SEMA5A: variants seen among roughly 807,000 people sequenced by gnomAD.
The protein encoded by SEMA5A is semaphorin-5A.
A neutral mutation model predicts 135.5 loss-of-function variants in SEMA5A; 55 were observed. The observed-to-expected ratio is 0.41, with a 90% confidence interval of 0.33 to 0.51. The LOEUF (loss-of-function observed/expected upper bound fraction) is 0.51, where lower values mean the gene tolerates loss of function less well. Among genes scored for constraint, SEMA5A ranks in the 20% least tolerant of loss-of-function variants. The probability of loss-of-function intolerance (pLI) is 0.37; values close to 1 mark genes in which losing one functional copy is unlikely to be tolerated. For synonymous variants in SEMA5A, 580 were observed against 546.5 expected (o/e 1.06, Z -0.85); for missense variants, 1,290 against 1,419.9 (o/e 0.91, Z 1.47).
At chr5:9,272,010 A>G (rs1295981746) in intron 5 of SEMA5A, among the ~76,000 whole-genome samples, 1 of 152,074 alleles carries the variant, frequency 6.6e-6, no homozygotes, top group African/African-American at 2.4e-5. Flanking sequence ...CACCAGCGAG[A>G]CAGAATCATT....
intron 1 of SEMA5A, among the ~76,000 whole-genome samples, chr5:9,452,600 G>A (rs1306970579): frequency 1.3e-5 from 2 of 152,110 alleles, no homozygotes; most frequent in Admixed American, 6.5e-5. Flanking sequence ...GTGAGCCCCC[G>A]CAAATACAGC....
At chr5:9,384,661 TATAGATAGATAG>T (rs1256520054) in intron 2 of SEMA5A, among the ~76,000 whole-genome samples, 33 of 66,486 alleles carry the variant, frequency 5.0e-4, no homozygotes, top group South Asian at 1.7e-3. Flanking sequence ...GATAGATAGA[TATAGATAGATAG>T]ATATAGATAG....
At chr5:9,442,980 T>C (rs1372937298) in intron 1 of SEMA5A, among the ~76,000 whole-genome samples, 1 of 152,100 alleles carries the variant, frequency 6.6e-6, no homozygotes, top group African/African-American at 2.4e-5. Flanking sequence ...TGCCAACTGG[T>C]TTGATTGACA....
At chr5:9,205,437 C>A (rs1806069) in intron 8 of SEMA5A, among the ~76,000 whole-genome samples, 10,408 of 152,090 alleles carry the variant, frequency 0.068, 438 homozygotes, top group Middle Eastern at 0.14. Flanking sequence ...CCAACCATAG[C>A]CTCAGAGAGC....
At chr5:9,491,369 T>C (rs992220541) in intron 1 of SEMA5A, among the ~76,000 whole-genome samples, 1 of 152,010 alleles carries the variant, frequency 6.6e-6, no homozygotes, top group African/African-American at 2.4e-5. Context: ...ATACCAAGAG[T>C]GAACCCTAAT....
At chr5:9,356,032 G>A (rs1754428078) in intron 3 of SEMA5A, among the ~76,000 whole-genome samples, 1 of 152,098 alleles carries the variant, frequency 6.6e-6, no homozygotes, top group African/African-American at 2.4e-5. Flanking sequence ...AGGCTTTTAA[G>A]GACTTCCCAA....
chr5:9,265,038 A>G (rs907467348), intron 5 of SEMA5A, among the ~76,000 whole-genome samples: 3 of 152,138 alleles, frequency 2.0e-5, no homozygotes, highest in Admixed American at 6.5e-5. Context: ...ATTATAATGC[A>G]CATGCATTTA....
chr5:9,243,612 A>G (rs1479031828), intron 5 of SEMA5A, among the ~76,000 whole-genome samples: 1 of 152,152 alleles, frequency 6.6e-6, no homozygotes, highest in Admixed American at 6.5e-5. Context: ...CAAGCAAAAT[A>G]ATGGTAACAA....
In SEMA5A at chr5:9,425,174, C is replaced by G. The variant is rs202027683; in HGVS notation, c.-78+12582G>C. Among the ~76,000 whole-genome samples, 3 of 151,908 alleles carry G rather than the reference C, an allele frequency of 2.0e-5. No individual in the cohort carries two copies. The East Asian group carries it at 5.8e-4, about 30-fold the overall frequency. On this transcript the variant is annotated intron_variant, in intron 2 of 22. Transcript: ENST00000382496. ...AATCCAAAGTTGTCCCCTGTTCACT[C>G]TCTGTCACATGAACCCATCTGAATT...
At chr5:9,073,021 A>G (rs1048718569) in intron 16 of SEMA5A, among the ~76,000 whole-genome samples, 2 of 152,220 alleles carry the variant, frequency 1.3e-5, no homozygotes, top group African/African-American at 4.8e-5. Flanking sequence ...AACAACTTGC[A>G]ACATGCCAGC....
intron 10 of SEMA5A, among the ~76,000 whole-genome samples, chr5:9,194,551 G>A (rs544186719): frequency 1.3e-5 from 2 of 152,352 alleles, no homozygotes; most frequent in South Asian, 4.1e-4. Context: ...CTCTATGCCA[G>A]TCTGGATGGT....
At chr5:9,453,563 C>CTATTG (rs1267240548) in intron 1 of SEMA5A, among the ~76,000 whole-genome samples, 1 of 152,142 alleles carries the variant, frequency 6.6e-6, no homozygotes, top group African/African-American at 2.4e-5. Context: ...AATTATAGTG[C>CTATTG]TATTGACCAT....
intron 3 of SEMA5A, among the ~76,000 whole-genome samples, chr5:9,351,814 T>C (rs1367237965): frequency 6.6e-6 from 1 of 152,218 alleles, no homozygotes; most frequent in Non-Finnish European, 1.5e-5. Flanking sequence ...TAAAAACTTT[T>C]GGAAGCCAAT....
At chr5:9,217,510 G>A (rs912650933) in intron 8 of SEMA5A, among the ~76,000 whole-genome samples, 1 of 152,178 alleles carries the variant, frequency 6.6e-6, no homozygotes, top group African/African-American at 2.4e-5. Flanking sequence ...GGCATTCTCT[G>A]TATTTCCTAA....
chr5:9,378,600 C>A (rs1485941379), intron 3 of SEMA5A, among the ~76,000 whole-genome samples: 1 of 152,174 alleles, frequency 6.6e-6, no homozygotes, highest in Admixed American at 6.5e-5. Context: ...ATGCGATGAG[C>A]AAACTCCAGA....
At chr5:9,322,129 T>C (rs928578059) in intron 4 of SEMA5A, among the ~76,000 whole-genome samples, 2 of 152,134 alleles carry the variant, frequency 1.3e-5, no homozygotes, top group Admixed American at 6.5e-5. Context: ...TGGCTTATAA[T>C]AAAAAATACG....
intron 5 of SEMA5A, among the ~76,000 whole-genome samples, chr5:9,244,938 G>T (rs747529857): frequency 5.9e-5 from 9 of 152,158 alleles, no homozygotes; most frequent in Admixed American, 1.3e-4. Flanking sequence ...GAAAGGGAAG[G>T]ATCAGAACAA....
chr5:9,381,522 C>T (rs1393213359), intron 2 of SEMA5A, among the ~76,000 whole-genome samples: 2 of 152,178 alleles, frequency 1.3e-5, no homozygotes, highest in Middle Eastern at 3.2e-3. Context: ...AAAAGCCTGG[C>T]AGTTGCTACA....
rs1407038152 is a variant in SEMA5A at position 9,337,620 on chromosome 5, T to C, written c.224+93A>G. 17 of 745,630 alleles carry C rather than the reference T, an allele frequency of 2.3e-5. No individual in the cohort carries two copies. In the East Asian group the frequency reaches 4.1e-4, roughly 18 times the overall value. 46.2% of individuals were successfully genotyped at this position (745,630 alleles called of 1,614,324 possible). A position where few individuals can be genotyped will look rare whatever the true frequency, so the allele number is the denominator to read the frequency against. ...TATAAGAAATAATATTATTCAGCAT[T>C]CTTCAGTTTTGTCAGTGAAGGTCAC... On this transcript the variant is annotated intron_variant, in intron 4 of 22. Transcript: ENST00000382496.
Sources: gnomAD v4.1 joint callset for allele counts (sites outside exome capture counted in the v4.1 genomes callset) on GRCh38, gnomAD v4.1.1 for gene constraint, MANE v1.5 for transcripts, NCBI Gene and HGNC (gene_info 2026-07-23, HGNC 2026-07-21) for gene names.